ADRA1B: variants seen among roughly 807,000 people sequenced by gnomAD.
ADRA1B encodes the protein alpha-1B adrenergic receptor.
ADRA1B carries 17 observed loss-of-function variants against 17.9 expected under a neutral mutation model. The ratio of observed to expected loss-of-function variants is 0.95; its 90% CI spans 0.65 to 1.42. ADRA1B has a LOEUF of 1.42. Ranked by LOEUF, ADRA1B falls within the 40% of genes most tolerant of loss-of-function variation. The pLI is 0.00. For synonymous variants in ADRA1B, 366 were observed against 327.6 expected (o/e 1.12, Z -1.27); for missense variants, 681 against 722.1 (o/e 0.94, Z 0.65).
At chr5:159,915,587 G>A (rs900964030), upstream of ADRA1B, among the ~76,000 whole-genome samples, 2 of 152,004 alleles carry the variant, frequency 1.3e-5, no homozygotes, top group African/African-American at 4.8e-5. Flanking sequence ...GATCCTCTAC[G>A]TCCCTTCCCC....
rs1341240864 is a variant in ADRA1B, at chr5:159,971,810, T to C, written c.950-69T>C. 4.6e-6 allele frequency: 6 copies of C among 1,303,458 alleles called. No individual in the cohort carries two copies. In the East Asian group the frequency reaches 1.4e-4, roughly 31 times the overall value. The allele number at this position is 1,303,458 out of a possible 1,614,324, so 80.7% of individuals were successfully genotyped here. On this transcript the variant is annotated intron_variant, in intron 1 of 1. Transcript: ENST00000306675. ...TTGACAATGTTGAGGAGAAGCATAT[T>C]GGGGCGAGAGCTTGACTACTCACAA...
In ADRA1B at chr5:159,916,878, C is replaced by A. The variant is rs190081018; in HGVS notation, c.-28C>A. 10 of 1,574,534 alleles carry A rather than the reference C, an allele frequency of 6.4e-6. No homozygotes were observed. The highest frequency in any genetic ancestry group is 8.6e-6 in the Non-Finnish European group (10 of 1,157,794). Reference sequence around the variant, plus strand: ...CGCAGCCCTTCCGAGCCCAATCATCCCCCTGGCTATGGAGGGCGGACTCTA... The same window carrying A: ...CGCAGCCCTTCCGAGCCCAATCATCACCCTGGCTATGGAGGGCGGACTCTA... On this transcript the variant is annotated 5_prime_UTR_variant, in exon 1 of 2. Transcript: ENST00000306675.
chr5:159,898,679 A>G (rs1313269130), intron 1 of ADRA1B, among the ~76,000 whole-genome samples: 3 of 152,220 alleles, frequency 2.0e-5, no homozygotes, highest in Admixed American at 1.3e-4. Flanking sequence ...TAATGTTACC[A>G]TGGCCGTATT....
chr5:159,969,003 T>G (rs1366487895), intron 1 of ADRA1B, among the ~76,000 whole-genome samples: 1 of 152,242 alleles, frequency 6.6e-6, no homozygotes, highest in Non-Finnish European at 1.5e-5. Flanking sequence ...CAGGGAATAC[T>G]AGGTGCTCAT....
rs749572568 is a variant in ADRA1B at position 159,972,309 on chromosome 5, G to GC, written c.1386dup (p.Gly463ArgfsTer92). The GC allele has an allele frequency of 6.3e-6, 9 of 1,428,578 alleles. No homozygotes were observed. The highest frequency in any genetic ancestry group is 2.8e-5 in the Admixed American group (1 of 36,194). 88.5% of individuals were successfully genotyped at this position (1,428,578 alleles called of 1,614,324 possible). On this transcript the variant is annotated frameshift_variant, in exon 2 of 2. Coordinates refer to ENST00000306675, the MANE Select transcript of ADRA1B (RefSeq NM_000679.4). LOFTEE classifies it high-confidence loss of function. ...CCCTCCTGAGCCTGCCCGCGCCTGA[G>GC]CCCCCCGGCCGCCGCGGCCGCCACG...
At position 159,901,456 on chromosome 5, in the gene ADRA1B, G is replaced by A. The variant is rs1399415885; in HGVS notation, c.-255-14663G>A. ...GGGGAGGGGAGGGGGAGGGGAGGGGGACGGGAAGGAGAATTTCTGAATACC... is the reference window on the plus strand; with the variant it reads ...GGGGAGGGGAGGGGGAGGGGAGGGGAACGGGAAGGAGAATTTCTGAATACC... On this transcript the variant is annotated intron_variant, in intron 1 of 2. Transcript: ENST00000641205. Among the ~76,000 whole-genome samples, 327 of 111,352 alleles carry A rather than the reference G, an allele frequency of 2.9e-3. 2 individuals carry two copies. The highest frequency in any genetic ancestry group is 0.01 in the African/African-American group (305 of 29,472). 73.1% of individuals were successfully genotyped at this position (111,352 alleles called of 152,430 possible).
Position 159,972,449 on chromosome 5 carries a change from C to T in ADRA1B, c.1520C>T (p.Pro507Leu). Residue 507 changes from proline (P) to leucine (L), a missense_variant, in exon 2 of 2, where the codon CCG (proline) becomes CTG (leucine). Physicochemically the swap from Pro to Leu is moderately conservative, Grantham distance 98. Coordinates refer to ENST00000306675, the MANE Select transcript of ADRA1B (RefSeq NM_000679.4). ...EAAADVANGQ[P>L]GFKSNMPLAP... ...GCGGCCGACGTGGCCAACGGGCAGC[C>T]GGGCTTCAAAAGCAACATGCCCCTG... The T allele has an allele frequency of 2.0e-6, 3 of 1,489,806 alleles. No individual in the cohort carries two copies. The highest frequency in any genetic ancestry group is 1.2e-5 in the South Asian group (1 of 80,162). The allele number at this position is 1,489,806 out of a possible 1,614,324, so 92.3% of individuals were successfully genotyped here. A position where few individuals can be genotyped will look rare whatever the true frequency, so the allele number is the denominator to read the frequency against.
chr5:159,922,036 A>C (rs1275550664), intron 1 of ADRA1B, among the ~76,000 whole-genome samples: 1 of 152,230 alleles, frequency 6.6e-6, no homozygotes, highest in Non-Finnish European at 1.5e-5. Context: ...AACCCATTTG[A>C]CCATGTATTA....
At chr5:159,907,900 T>C (rs1284082679) in intron 1 of ADRA1B, among the ~76,000 whole-genome samples, 3 of 152,004 alleles carry the variant, frequency 2.0e-5, no homozygotes, top group Non-Finnish European at 4.4e-5. Flanking sequence ...GCGTTTCTCA[T>C]GCTGTCTTTG....
intron 1 of ADRA1B, among the ~76,000 whole-genome samples, chr5:159,889,199 A>C: frequency 6.6e-6 from 1 of 152,152 alleles, no homozygotes; most frequent in East Asian, 1.9e-4. Context: ...CCTGTGATGC[A>C]CCTCATGGAA....
At chr5:159,945,668 C>T (rs1226922826) in intron 1 of ADRA1B, among the ~76,000 whole-genome samples, 6 of 151,884 alleles carry the variant, frequency 4.0e-5, no homozygotes, top group Admixed American at 3.9e-4. Context: ...TTAGCATTTT[C>T]TCTAAATGCT....
At chr5:159,892,935 A>T (rs1754001986) in intron 1 of ADRA1B, among the ~76,000 whole-genome samples, 1 of 152,110 alleles carries the variant, frequency 6.6e-6, no homozygotes, top group African/African-American at 2.4e-5. Context: ...AGTTGAACTA[A>T]TTTACACTCC....
intron 1 of ADRA1B, among the ~76,000 whole-genome samples, chr5:159,867,443 T>C (rs1463983447): frequency 6.6e-6 from 1 of 152,212 alleles, no homozygotes; most frequent in Non-Finnish European, 1.5e-5. Flanking sequence ...GCAGTACAAC[T>C]GATTCACCAT....
At position 159,917,402 on chromosome 5, in the gene ADRA1B, T is replaced by G. The variant is rs1483781342; in HGVS notation, c.497T>G (p.Leu166Arg). Residue 166 changes from leucine (L) to arginine (R), a missense_variant, in exon 1 of 2, where the codon CTG becomes CGG. Transcript: ENST00000306675. ...ACCCGGAGGAAGGCCATCTTGGCGC[T>G]GCTCAGTGTCTGGGTCTTGTCCACC... ...LVTRRKAILA[L>R]LSVWVLSTVI... 1 of 1,614,020 alleles carries G rather than the reference T, an allele frequency of 6.2e-7. No individual in the cohort carries two copies. Among genetic ancestry groups the G allele is most frequent in the Non-Finnish European group, 8.5e-7 (1 of 1,180,028 alleles).
At chr5:159,963,655 CAG>C (rs2113285835) in intron 1 of ADRA1B, among the ~76,000 whole-genome samples, 1 of 152,312 alleles carries the variant, frequency 6.6e-6, no homozygotes, top group South Asian at 2.1e-4. Flanking sequence ...TCGCCTGGCA[CAG>C]AGTCAGAGCT....
chr5:159,978,502 G>GC, the ADRA1B span, among the ~76,000 whole-genome samples: 7 of 152,256 alleles, frequency 4.6e-5, no homozygotes, highest in African/African-American at 1.4e-4. Flanking sequence ...CTGAAGGCCT[G>GC]CCGTCTGATT....
At position 159,972,883 on chromosome 5, in the gene ADRA1B, C is replaced by T. The variant is rs1390803333; in HGVS notation, c.*391C>T. Reference sequence around the variant, plus strand: ...TGTGAGGGCGCGGCGACTGTGCGCCCAGGAGGCAACCGGGGGCGTTGTGTG... The same window carrying T: ...TGTGAGGGCGCGGCGACTGTGCGCCTAGGAGGCAACCGGGGGCGTTGTGTG... On this transcript the variant is annotated 3_prime_UTR_variant, in exon 2 of 2. Transcript: ENST00000306675. Among the ~76,000 whole-genome samples, 2 of 152,206 alleles carry T rather than the reference C, an allele frequency of 1.3e-5. No homozygotes were observed. The highest frequency in any genetic ancestry group is 6.5e-5 in the Admixed American group (1 of 15,286).
At chr5:159,871,728 T>C (rs1297531711) in intron 1 of ADRA1B, among the ~76,000 whole-genome samples, 2 of 152,168 alleles carry the variant, frequency 1.3e-5, no homozygotes, top group Admixed American at 1.3e-4. Flanking sequence ...CTTAGACGTA[T>C]CTTTTGGAGA....
chr5:159,873,882 C>T (rs1374991603), intron 1 of ADRA1B, among the ~76,000 whole-genome samples: 1 of 152,064 alleles, frequency 6.6e-6, no homozygotes, highest in Non-Finnish European at 1.5e-5. Context: ...TTGCTTCATT[C>T]CCCCAGAATG....
Sources: gnomAD v4.1 joint callset for allele counts (sites outside exome capture counted in the v4.1 genomes callset) on GRCh38, gnomAD v4.1.1 for gene constraint, MANE v1.5 for transcripts, NCBI Gene and HGNC (gene_info 2026-07-23, HGNC 2026-07-21) for gene names.